The following NHSL3 variants were observed in gnomAD, a reference collection of about 807,000 sequenced individuals.
NHSL3 encodes the protein NHS like 3.
the NHSL3 span, chr1:32,773,798 AG>A: frequency 5.9e-5 from 9 of 152,616 alleles, no homozygotes; most frequent in South Asian, 2.1e-4. Context: ...GAGCATCTGG[AG>A]GGGGGGAGCT....
the NHSL3 span, chr1:32,753,946 A>G: frequency 3.4e-6 from 1 of 290,456 alleles, no homozygotes; most frequent in Non-Finnish European, 6.6e-6. Context: ...TTGGCCGCAG[A>G]GCTCGGGGGC....
At chr1:32,765,799 G>A in the NHSL3 span, 1 of 1,547,740 alleles carries the variant, frequency 6.5e-7, no homozygotes, top group Non-Finnish European at 8.7e-7. Flanking sequence ...GCCGCCTCCC[G>A]GCGCTCCTAG....
At chr1:32,765,548 C>A in the NHSL3 span, 1 of 1,339,956 alleles carries the variant, frequency 7.5e-7, no homozygotes, top group Non-Finnish European at 1.0e-6. Context: ...CCCCTGCACC[C>A]CATTTAAGGG....
chr1:32,745,000 C>G, the NHSL3 span, among the ~76,000 whole-genome samples: 1 of 151,850 alleles, frequency 6.6e-6, no homozygotes, highest in Non-Finnish European at 1.5e-5. Flanking sequence ...GTGGCGTGCA[C>G]CTGTAGTCCC....
the NHSL3 span, among the ~76,000 whole-genome samples, chr1:32,752,901 G>GCACACACACACACACACA: frequency 1.4e-5 from 1 of 71,622 alleles, no homozygotes; most frequent in African/African-American, 5.8e-5. Context: ...AAAAAAACAT[G>GCACACACACACACACACA]CACACACACA....
At chr1:32,750,181 G>C in the NHSL3 span, among the ~76,000 whole-genome samples, 1 of 152,192 alleles carries the variant, frequency 6.6e-6, no homozygotes, top group African/African-American at 2.4e-5. Context: ...AGTCCCTGCA[G>C]CTTCCTTGGT....
At chr1:32,769,291 G>A in the NHSL3 span, among the ~76,000 whole-genome samples, 1 of 152,142 alleles carries the variant, frequency 6.6e-6, no homozygotes, top group Non-Finnish European at 1.5e-5. Context: ...AATCTTAACT[G>A]TTGGAAGCCT....
At chr1:32,746,244 A>AAAG in the NHSL3 span, among the ~76,000 whole-genome samples, 137,406 of 142,636 alleles carry the variant, frequency 0.96, 66,428 homozygotes, top group East Asian at 0.99. Context: ...AAAAAAAAAA[A>AAAG]AAACAAAAAA....
chr1:32,752,938 CACACACACACACATATATATATAT>C, the NHSL3 span, among the ~76,000 whole-genome samples: 482 of 38,406 alleles, frequency 0.013, 19 homozygotes, highest in Middle Eastern at 0.068. Flanking sequence ...CACACACACA[CACACACACACACATATATATATAT>C]ATATATTTTG....
chr1:32,772,551 G>T, the NHSL3 span: 1 of 1,437,792 alleles, frequency 7.0e-7, no homozygotes, highest in Non-Finnish European at 9.1e-7. Flanking sequence ...TCTGGTCTGA[G>T]AATGCCTGGG....
chr1:32,759,848 C>T, the NHSL3 span, among the ~76,000 whole-genome samples: 1 of 152,236 alleles, frequency 6.6e-6, no homozygotes, highest in African/African-American at 2.4e-5. Context: ...GTCACTTTCC[C>T]TTGAGCCTCC....
At chr1:32,760,696 T>C in the NHSL3 span, among the ~76,000 whole-genome samples, 1 of 151,834 alleles carries the variant, frequency 6.6e-6, no homozygotes, top group Non-Finnish European at 1.5e-5. Context: ...GTTCAAGCGA[T>C]TCTCCTGCCT....
At chr1:32,758,651 C>G in the NHSL3 span, among the ~76,000 whole-genome samples, 1 of 152,024 alleles carries the variant, frequency 6.6e-6, no homozygotes, top group African/African-American at 2.4e-5. Flanking sequence ...GCCCCAGGCC[C>G]CGACTCAAGG....
the NHSL3 span, chr1:32,742,065 C>T: frequency 7.9e-7 from 1 of 1,262,838 alleles, no homozygotes; most frequent in Non-Finnish European, 1.0e-6. Context: ...TCCGCCGCGC[C>T]TTCAGCTGGC....
chr1:32,767,876 T>C, the NHSL3 span: 1 of 1,613,950 alleles, frequency 6.2e-7, no homozygotes, highest in Non-Finnish European at 8.5e-7. Context: ...GGACAACGTC[T>C]TCTTTCCCAG....
the NHSL3 span, chr1:32,771,488 C>T: frequency 1.8e-5 from 28 of 1,579,306 alleles, no homozygotes; most frequent in South Asian, 3.1e-4. Flanking sequence ...CCCAACTGGC[C>T]CCCTCCCCCA....
At chr1:32,759,321 A>G in the NHSL3 span, among the ~76,000 whole-genome samples, 4 of 151,960 alleles carry the variant, frequency 2.6e-5, no homozygotes, top group African/African-American at 9.7e-5. Context: ...TCTTCTCCTT[A>G]CTCTGTGGTG....
chr1:32,770,642 G>C, the NHSL3 span: 2 of 1,520,266 alleles, frequency 1.3e-6, no homozygotes, highest in Non-Finnish European at 1.8e-6. This position sits in a 1 kb window ranked among gnomAD's most constrained non-coding sequence, Gnocchi z 8.3. Flanking sequence ...TCTGGCCGGA[G>C]TGTGTCCCTG....
the NHSL3 span, chr1:32,773,273 G>C: frequency 4.1e-6 from 1 of 245,642 alleles, no homozygotes; most frequent in Non-Finnish European, 8.0e-6. Context: ...CTATAGTCCA[G>C]AATCAAAGCA....
Sources: gnomAD v4.1 joint callset for allele counts (sites outside exome capture counted in the v4.1 genomes callset) on GRCh38, gnomAD v4.1.1 for gene constraint, Gnocchi (gnomAD v3.1) non-coding constraint, MANE v1.5 for transcripts, NCBI Gene and HGNC (gene_info 2026-07-23, HGNC 2026-07-21) for gene names.